The following SLC13A3 variants were observed in gnomAD, a reference collection of about 807,000 sequenced individuals.
The protein encoded by SLC13A3 is solute carrier family 13 member 3.
Under a neutral mutation model 59.0 loss-of-function variants are expected in SLC13A3, and 40 were observed. The ratio of observed to expected loss-of-function variants is 0.68; its 90% CI spans 0.53 to 0.88. The LOEUF (loss-of-function observed/expected upper bound fraction) is 0.88. Among genes scored for constraint, SLC13A3 ranks in the 40% least tolerant of loss-of-function variants. The pLI is 0.00. For synonymous variants in SLC13A3, 317 were observed against 330.3 expected (o/e 0.96, Z 0.44); for missense variants, 699 against 783.2 (o/e 0.89, Z 1.28).
chr20:46,601,171 A>T (rs451595), intron 3 of SLC13A3, among the ~76,000 whole-genome samples: 107,067 of 151,990 alleles, frequency 0.7, 39,016 homozygotes, highest in African/African-American at 0.89. Flanking sequence ...AAATCAGGGA[A>T]GGGGACCCCC....
intron 9 of SLC13A3, 49 bp downstream of exon 9, chr20:46,583,523 G>A: frequency 6.3e-7 from 1 of 1,592,804 alleles, no homozygotes; most frequent in Non-Finnish European, 8.5e-7. Flanking sequence ...CACACTCCAT[G>A]CCGCAGTCCT....
chr20:46,642,949 C>T lies in SLC13A3; in HGVS notation c.111+8362G>A, dbSNP rs554055936. ...GGGCAGGGGTCTCCTCCTGTCTGCACGTGGGCTCTTCATTGGGCAAATGGA... is the reference window on the plus strand; with the variant it reads ...GGGCAGGGGTCTCCTCCTGTCTGCATGTGGGCTCTTCATTGGGCAAATGGA... On this transcript the variant is annotated intron_variant, in intron 1 of 12. Coordinates refer to ENST00000279027, the MANE Select transcript of SLC13A3 (RefSeq NM_022829.6). Among the ~76,000 whole-genome samples the T allele has an allele frequency of 3.9e-5, 6 of 152,290 alleles. No homozygotes were observed. In the East Asian group the frequency reaches 5.8e-4, roughly 15 times the overall value.
At chr20:46,623,768 G>C (rs568548073) in intron 1 of SLC13A3, among the ~76,000 whole-genome samples, 1 of 152,276 alleles carries the variant, frequency 6.6e-6, no homozygotes, top group South Asian at 2.1e-4. Context: ...TAATTTCCAA[G>C]TAATTGCATT....
chr20:46,595,384 C>A (rs753602616), intron 5 of SLC13A3, among the ~76,000 whole-genome samples: 43 of 152,086 alleles, frequency 2.8e-4, no homozygotes, highest in African/African-American at 9.7e-4. Flanking sequence ...AAAGCAGGAA[C>A]ATCTTTCTTT....
At chr20:46,596,911 G>A (rs1306932795) in intron 4 of SLC13A3, among the ~76,000 whole-genome samples, 10 of 152,024 alleles carry the variant, frequency 6.6e-5, no homozygotes, top group Admixed American at 6.6e-4. Flanking sequence ...AAATCAGCTG[G>A]GCATGGTGGC....
chr20:46,614,484 T>C (rs2122755565), intron 1 of SLC13A3, among the ~76,000 whole-genome samples: 1 of 152,304 alleles, frequency 6.6e-6, no homozygotes, highest in East Asian at 1.9e-4. Flanking sequence ...AGGAAGCTAC[T>C]AGTGTGTGCG....
At chr20:46,573,669 A>G (rs1015057463) in intron 10 of SLC13A3, among the ~76,000 whole-genome samples, 2 of 152,104 alleles carry the variant, frequency 1.3e-5, no homozygotes, top group Non-Finnish European at 2.9e-5. Flanking sequence ...TTTTCCAACA[A>G]CCCTGTAGAG....
rs2061907425 is a variant in SLC13A3, at chr20:46,558,888, C to T, written c.*1134G>A. The T allele has an allele frequency of 6.6e-6, 1 of 151,862 alleles. No homozygotes were observed. Among genetic ancestry groups the T allele is most frequent in the Admixed American group, 6.6e-5 (1 of 15,242 alleles). The allele number at this position is 151,862 out of a possible 1,614,324, so 9.4% of individuals were successfully genotyped here. On this transcript the variant is annotated 3_prime_UTR_variant, in exon 13 of 13. Transcript: ENST00000279027. ...GGGCCTGAGCTCTTCACTGGGATGC[C>T]AGAATGCTTCTGCTTGGAACAAAGA... is the stretch of plus-strand genomic sequence containing the variant.
chr20:46,634,049 C>T (rs577470265), intron 1 of SLC13A3, among the ~76,000 whole-genome samples: 15 of 152,268 alleles, frequency 9.9e-5, no homozygotes, highest in Admixed American at 2.6e-4. Context: ...CACGGCTCAG[C>T]GATGAAGATT....
intron 1 of SLC13A3, 24 bp downstream of exon 1, chr20:46,651,287 G>T: frequency 6.8e-7 from 1 of 1,467,700 alleles, no homozygotes; most frequent in Non-Finnish European, 9.0e-7. Flanking sequence ...TTGACCGGGG[G>T]CGCACAGGCG....
At chr20:46,621,713 C>G (rs1221444525) in intron 1 of SLC13A3, among the ~76,000 whole-genome samples, 1 of 152,194 alleles carries the variant, frequency 6.6e-6, no homozygotes, top group Non-Finnish European at 1.5e-5. Context: ...TAAGCAATCT[C>G]TGTGTGGAAC....
chr20:46,588,002 G>A, intron 8 of SLC13A3, 57 bp downstream of exon 8: 3 of 954,852 alleles, frequency 3.1e-6, no homozygotes, highest in East Asian at 2.5e-5. Context: ...AGCTCCAGGT[G>A]GCCCAGCCCA....
rs539396793 is a variant in SLC13A3, at chr20:46,643,325, T to G, written c.111+7986A>C. Among the ~76,000 whole-genome samples, 7 of 152,328 alleles carry G rather than the reference T, an allele frequency of 4.6e-5. No homozygotes were observed. The East Asian group carries it at 1.4e-3, about 29-fold the overall frequency. ...ATGGAGTGTAAAGGATTTTTCATTT[T>G]CTATTTTAGATAGGGTCTAAAGATA... On this transcript the variant is annotated intron_variant, in intron 1 of 12. Coordinates refer to ENST00000279027, the MANE Select transcript of SLC13A3 (RefSeq NM_022829.6).
chr20:46,672,997 G>C (rs1469817271), upstream of SLC13A3, among the ~76,000 whole-genome samples: 1 of 152,148 alleles, frequency 6.6e-6, no homozygotes, highest in East Asian at 1.9e-4. Flanking sequence ...ATGTATTATT[G>C]CATGATTATT....
intron 10 of SLC13A3, among the ~76,000 whole-genome samples, chr20:46,567,263 T>C (rs1313698956): frequency 6.6e-6 from 1 of 152,140 alleles, no homozygotes; most frequent in Non-Finnish European, 1.5e-5. Flanking sequence ...ATGATAATAC[T>C]ACAAATATTA....
At chr20:46,647,057 A>G (rs924255470) in intron 1 of SLC13A3, among the ~76,000 whole-genome samples, 5 of 152,242 alleles carry the variant, frequency 3.3e-5, no homozygotes, top group Admixed American at 6.5e-5. Flanking sequence ...GCTGTTGGCC[A>G]CCGTGACACC....
chr20:46,639,478 A>G (rs1394613338), intron 1 of SLC13A3, among the ~76,000 whole-genome samples: 1 of 152,070 alleles, frequency 6.6e-6, no homozygotes, highest in Non-Finnish European at 1.5e-5. Context: ...CCAAAAAAAC[A>G]AAAAAACAAA....
In SLC13A3 at chr20:46,583,671, T is replaced by A. The variant is rs199827709; in HGVS notation, c.1122-2A>T. 1.1e-5 allele frequency: 18 copies of A among 1,613,884 alleles called. No homozygotes were observed. The highest frequency in any genetic ancestry group is 1.5e-5 in the Non-Finnish European group (18 of 1,179,984). On this transcript the variant is annotated splice_acceptor_variant, in intron 8 of 12. Transcript: ENST00000279027. LOFTEE classifies it high-confidence loss of function. ...CCGGTGACAGCATCAGAAAGAAACC[T>A]ACAATGAGAAGGCCCCAAATCACGT...
At chr20:46,634,644 C>A (rs536079906) in intron 1 of SLC13A3, among the ~76,000 whole-genome samples, 24 of 152,258 alleles carry the variant, frequency 1.6e-4, no homozygotes, top group Middle Eastern at 6.8e-3. Flanking sequence ...TGGCTCACAC[C>A]CTGTGGCTGC....
Sources: allele counts gnomAD v4.1 joint callset (sites outside exome capture counted in the v4.1 genomes callset), GRCh38; gene constraint gnomAD v4.1.1; transcripts MANE v1.5; gene names NCBI Gene and HGNC (gene_info 2026-07-23, HGNC 2026-07-21).